NRXN2: variants seen among roughly 807,000 people sequenced by gnomAD.
NRXN2 encodes the protein neurexin-2-beta.
A neutral mutation model predicts 128.8 loss-of-function variants in NRXN2; 29 were observed. The observed-to-expected ratio is 0.23, with a 90% confidence interval of 0.17 to 0.31. The LOEUF is 0.31. Ranked by LOEUF, NRXN2 falls within the 10% of genes least tolerant of loss-of-function variation. The pLI, the probability that NRXN2 is intolerant of heterozygous loss-of-function variation, is 1.00. For synonymous variants in NRXN2, 1,098 were observed against 1,075.2 expected (o/e 1.02, Z -0.41); for missense variants, 1,881 against 2,452.6 (o/e 0.77, Z 4.92).
intron 2 of NRXN2, among the ~76,000 whole-genome samples, chr11:64,701,810 G>A (rs1205413095): frequency 7.9e-5 from 12 of 151,552 alleles, no homozygotes; most frequent in Admixed American, 5.9e-4. Flanking sequence ...CAGCCGCCCC[G>A]TCCGGCAGGT....
chr11:64,693,107 G>A lies in NRXN2; in HGVS notation c.749-231C>T, dbSNP rs181351377. Among the ~76,000 whole-genome samples the A allele has an allele frequency of 7.1e-4, 108 of 151,590 alleles. 1 individual carries two copies. The East Asian group carries it at 0.017, about 24-fold the overall frequency. On this transcript the variant is annotated intron_variant, in intron 3 of 22. Transcript: ENST00000265459. ...CCCGATGCCGAAACAGCGGGTGGAGGGCACAACAGGGGAAGAGAGAAAGAG... is the reference window on the plus strand; with the variant it reads ...CCCGATGCCGAAACAGCGGGTGGAGAGCACAACAGGGGAAGAGAGAAAGAG...
intron 22 of NRXN2, among the ~76,000 whole-genome samples, chr11:64,609,339 TAACAA>T (rs775906498): frequency 4.0e-5 from 6 of 149,966 alleles, no homozygotes; most frequent in Non-Finnish European, 8.9e-5. Flanking sequence ...GTTAAAACAA[TAACAA>T]AACAACGGAA....
intron 2 of NRXN2, among the ~76,000 whole-genome samples, chr11:64,704,442 A>ATT (rs2055928264): frequency 6.6e-6 from 1 of 152,164 alleles, no homozygotes; most frequent in African/African-American, 2.4e-5. Flanking sequence ...ATGGAGCTGT[A>ATT]AAACTGCATC....
intron 9 of NRXN2, among the ~76,000 whole-genome samples, chr11:64,662,511 G>A (rs2049176671): frequency 6.6e-6 from 1 of 152,150 alleles, no homozygotes; most frequent in Non-Finnish European, 1.5e-5. Flanking sequence ...GCCGGGCACA[G>A]TGGCCCACGC....
chr11:64,611,396 C>T (rs2040615531), intron 22 of NRXN2, among the ~76,000 whole-genome samples: 1 of 152,238 alleles, frequency 6.6e-6, no homozygotes, highest in Admixed American at 6.5e-5. Flanking sequence ...CTGCTGGAAA[C>T]CCCAGCGTCA....
intron 2 of NRXN2, among the ~76,000 whole-genome samples, chr11:64,706,987 T>C (rs1003626854): frequency 6.7e-5 from 10 of 149,610 alleles, no homozygotes; most frequent in African/African-American, 2.5e-4. Context: ...AGTCTTGCTG[T>C]GTCAGCCAGG....
intron 20 of NRXN2, 78 bp downstream of exon 20, chr11:64,626,385 G>A: frequency 8.3e-7 from 1 of 1,197,724 alleles, no homozygotes; most frequent in South Asian, 1.3e-5. Flanking sequence ...AGGCACGGAG[G>A]GGGAAAGAGA....
chr11:64,642,878 C>G, intron 17 of NRXN2: 3 of 1,034,534 alleles, frequency 2.9e-6, no homozygotes, highest in Non-Finnish European at 3.5e-6. Flanking sequence ...CCCGCGAAGC[C>G]CCCCTCCGGC....
intron 2 of NRXN2, among the ~76,000 whole-genome samples, chr11:64,704,958 T>C (rs2056071136): frequency 6.6e-6 from 1 of 151,218 alleles, no homozygotes. Flanking sequence ...TAAATGTGGG[T>C]TAGTTGTGTG....
rs373521217 is a variant in NRXN2, at chr11:64,667,476, G to A, written c.1572C>T (p.Thr524=). 99 of 1,613,922 alleles carry A rather than the reference G, an allele frequency of 6.1e-5. No individual in the cohort carries two copies. The highest frequency in any genetic ancestry group is 3.6e-4 in the East Asian group (16 of 44,890). Residue 524 remains threonine, a synonymous_variant, in exon 9 of 23, where the codon ACC becomes ACT. Transcript: ENST00000265459. This position sits in a 1 kb window ranked among gnomAD's most constrained non-coding sequence, Gnocchi z 5.6. Reference sequence around the variant, plus strand: ...TGAAGAGCAGCAGCCCATTGGGCTCGGTGGTGCGGAAGTCTAGGGAGATGG... The same window carrying A: ...TGAAGAGCAGCAGCCCATTGGGCTCAGTGGTGCGGAAGTCTAGGGAGATGG... The part of the protein sequence containing the change: ...TGSISLDFRT[T]EPNGLLLFSQ...
intron 6 of NRXN2, 99 bp from the exon 7 acceptor site, chr11:64,677,136 A>C: frequency 3.6e-6 from 3 of 830,688 alleles, no homozygotes; most frequent in African/African-American, 1.7e-5. Flanking sequence ...AGAAAAATAA[A>C]ATGACCAACT....
intron 22 of NRXN2, among the ~76,000 whole-genome samples, chr11:64,609,290 C>A (rs2040239472): frequency 6.6e-6 from 1 of 152,072 alleles, no homozygotes; most frequent in African/African-American, 2.4e-5. Flanking sequence ...GCCGCCAGGA[C>A]CTGGCCAGGG....
chr11:64,627,021 G>T (rs941420790), intron 19 of NRXN2, among the ~76,000 whole-genome samples: 2 of 152,130 alleles, frequency 1.3e-5, no homozygotes, highest in African/African-American at 4.8e-5. Context: ...TGGGTTAAGC[G>T]GGGTTTATGC....
At chr11:64,642,643 G>A in intron 17 of NRXN2, 4 of 1,601,864 alleles carry the variant, frequency 2.5e-6, no homozygotes, top group Non-Finnish European at 1.7e-6. Flanking sequence ...GAGGCTGGAG[G>A]AGACCCGGGC....
Position 64,607,780 on chromosome 11 carries a change from G to T in NRXN2, c.4555C>A (p.Leu1519Met). The change falls in exon 23 of 23, where the codon CTG becomes ATG. Residue 1519 changes from leucine to methionine, a missense_variant. Leu to Met is a conservative substitution (Grantham distance 15, BLOSUM62 2). This residue lies in a region of NRXN2 where 310 missense variants were observed against 318.2 expected (regional missense o/e 0.97). Coordinates refer to ENST00000265459, the MANE Select transcript of NRXN2 (RefSeq NM_015080.4). ...AGGAGGGTGGTGCGGTCCGTGACCA[G>T]GGGAAAGGTGGTGTAAAAGTCCTCG... The part of the protein sequence containing the change: ...DDEDFYTTFP[L>M]VTDRTTLLSP... The T allele has an allele frequency of 3.8e-6, 6 of 1,595,440 alleles. No individual in the cohort carries two copies. Among genetic ancestry groups the T allele is most frequent in the South Asian group, 1.1e-5 (1 of 87,824 alleles).
At chr11:64,691,316 G>C (rs770541098) in intron 4 of NRXN2, among the ~76,000 whole-genome samples, 3 of 152,156 alleles carry the variant, frequency 2.0e-5, no homozygotes, top group Non-Finnish European at 4.4e-5. Context: ...CAGCACTTAG[G>C]CCTCAGTCCA....
chr11:64,677,175 T>C (rs2051453441), intron 6 of NRXN2, 138 bp from the exon 7 acceptor site: 2 of 604,926 alleles, frequency 3.3e-6, no homozygotes, highest in Non-Finnish European at 5.8e-6. Context: ...GGAAAAAATA[T>C]ATATCCATAT....
Position 64,648,849 on chromosome 11 carries a change from C to G in NRXN2, c.3168G>C (p.Val1056=), listed in dbSNP as rs1480886120. The G allele has an allele frequency of 5.0e-6, 8 of 1,614,184 alleles. No homozygotes were observed. Among genetic ancestry groups the G allele is most frequent in the Non-Finnish European group, 5.9e-6 (7 of 1,180,024 alleles). The change falls in exon 16 of 23, where the codon GTG becomes GTC. Residue 1056 remains valine (V), a synonymous_variant. Transcript: ENST00000265459. The surrounding 1 kb of genome is among the most constrained non-coding windows in gnomAD (Gnocchi z 4.1). ...AGCCCTGAAAGCCATCCCGGGAGGC[C>G]ACCAGCTTGGGCAGGTTGCTGAACA... ...KNMFSNLPKL[V]ASRDGFQGCL... is the part of the protein sequence containing the mutation.
At chr11:64,616,185 G>C (rs1450660456) in intron 22 of NRXN2, among the ~76,000 whole-genome samples, 1 of 152,142 alleles carries the variant, frequency 6.6e-6, no homozygotes, top group Admixed American at 6.5e-5. Flanking sequence ...TCTTACCCAG[G>C]TGCACATTTG....
Sources: allele counts gnomAD v4.1 joint callset (sites outside exome capture counted in the v4.1 genomes callset), GRCh38; gene constraint gnomAD v4.1.1; regional missense constraint gnomAD v4.1.1; non-coding constraint Gnocchi (gnomAD v3.1); transcripts MANE v1.5; gene names NCBI Gene and HGNC (gene_info 2026-07-23, HGNC 2026-07-21).